The following PIGG variants were observed in gnomAD, a reference collection of about 807,000 sequenced individuals.
PIGG encodes the protein phosphatidylinositol glycan anchor biosynthesis class G (EMM blood group).
PIGG carries 70 observed loss-of-function variants against 83.2 expected under a neutral mutation model. That is an observed-to-expected ratio of 0.84 (90% CI 0.69 to 1.03). The LOEUF (loss-of-function observed/expected upper bound fraction) is 1.03, where lower values mean the gene tolerates loss of function less well. PIGG is among the 50% of genes least tolerant of loss of function. PIGG has a pLI of 0.00. For synonymous variants in PIGG, 532 were observed against 519.5 expected, an observed-to-expected ratio of 1.02 and a Z score of -0.33; for missense variants, 1,257 against 1,233.6, an observed-to-expected ratio of 1.02 and a Z score of -0.28.
chr4:533,920 T>C lies in PIGG; in HGVS notation c.2674T>C (p.Tyr892His). 6.2e-7 allele frequency: 1 copy of C among 1,614,186 alleles called. No individual in the cohort carries two copies. The highest frequency in any genetic ancestry group is 8.5e-7 in the Non-Finnish European group (1 of 1,180,020). Residue 892 changes from tyrosine to histidine, a missense_variant, in exon 12 of 13, where the codon TAC (tyrosine) becomes CAC (histidine). Physicochemically the swap from Tyr to His is moderately conservative, Grantham distance 83 (BLOSUM62 2). Transcript: ENST00000453061. ...PAVLLTAFGT[Y>H]AGPVLWASHL... is the part of the protein sequence containing the mutation. ...CGTGCTCCTGACAGCGTTTGGGACG[T>C]ACGCAGGGCCTGTGCTGTGGGCCAG...
Position 530,585 on chromosome 4 carries a change from T to G in PIGG, c.2411T>G (p.Leu804Arg). ...GAGATATATAGTGGATTAGTTCTTCTGGCAGCCTTGCTCTTTAGACCACAT... is the reference window on the plus strand; with the variant it reads ...GAGATATATAGTGGATTAGTTCTTCGGGCAGCCTTGCTCTTTAGACCACAT... ...LWEIYSGLVL[L>R]AALLFRPHNL... Residue 804 changes from leucine (L) to arginine (R), a missense_variant, in exon 11 of 13, where the codon CTG becomes CGG. Leu to Arg is a moderately radical substitution (Grantham distance 102). Coordinates refer to ENST00000453061, the MANE Select transcript of PIGG (RefSeq NM_001127178.3). 4 of 1,614,050 alleles carry G rather than the reference T, an allele frequency of 2.5e-6. No homozygotes were observed. The highest frequency in any genetic ancestry group is 3.4e-6 in the Non-Finnish European group (4 of 1,179,890).
At chr4:525,435 G>A (rs1023681660) in intron 9 of PIGG, 1 of 825,352 alleles carries the variant, frequency 1.2e-6, no homozygotes, top group African/African-American at 1.8e-5. Flanking sequence ...TCACTGCAGA[G>A]AACTCCTGTA....
In PIGG at chr4:516,116, A is replaced by G. The variant is rs746477290; in HGVS notation, c.1045A>G (p.Arg349Gly). The change falls in exon 6 of 13, where the codon AGA (arginine) becomes GGA (glycine). Residue 349 changes from arginine to glycine, a missense_variant. Physicochemically the swap from Arg to Gly is moderately radical, Grantham distance 125. Transcript: ENST00000453061. ...AGGAAGACCAATGAGAGAGCAGTTG[A>G]GATTTTTACATTTGAATACAGTGCA... Reference protein sequence around the residue: ...VEGRPMREQLRFLHLNTVQLS... With the variant: ...VEGRPMREQLGFLHLNTVQLS... 1.2e-6 allele frequency: 2 copies of G among 1,614,062 alleles called. No individual in the cohort carries two copies. The highest frequency in any genetic ancestry group is 2.2e-5 in the East Asian group (1 of 44,880).
chr4:525,279 A>G (rs1727263443), intron 9 of PIGG: 19 of 985,300 alleles, frequency 1.9e-5, no homozygotes, highest in Non-Finnish European at 2.3e-5. Context: ...CGAAATAAGT[A>G]GAAGAAACCA....
In PIGG at chr4:499,409, G is replaced by C; in HGVS notation, c.74G>C (p.Arg25Pro). The C allele has an allele frequency of 1.2e-6, 2 of 1,609,116 alleles. No homozygotes were observed. The highest frequency in any genetic ancestry group is 1.7e-6 in the Non-Finnish European group (2 of 1,179,828). ...GTGCTAGGGATCGCGGTCTTCCTTC[G>C]GGGATTCTTCCCGGCTCCCGTTCGT... ...IEVLGIAVFLRGFFPAPVRSS... is the reference protein window; with the variant it reads ...IEVLGIAVFLPGFFPAPVRSS... The change falls in exon 1 of 13, where the codon CGG becomes CCG. Residue 25 changes from arginine (R) to proline (P), a missense_variant. Arg to Pro is a moderately radical substitution (Grantham distance 103, BLOSUM62 -2). Transcript: ENST00000453061.
intron 5 of PIGG, among the ~76,000 whole-genome samples, chr4:511,945 GAA>G (rs1451199832): frequency 6.6e-6 from 1 of 152,168 alleles, no homozygotes; most frequent in Non-Finnish European, 1.5e-5. Flanking sequence ...GGTTTCTGAT[GAA>G]AAGTCAATTC....
intron 5 of PIGG, among the ~76,000 whole-genome samples, chr4:509,835 C>T (rs988810991): frequency 2.6e-5 from 4 of 152,204 alleles, no homozygotes; most frequent in East Asian, 1.9e-4. Context: ...GGCCCCACAC[C>T]GGTCAGATTG....
At chr4:522,131 G>A (rs777131561) in intron 8 of PIGG, 190 bp downstream of exon 8, 6 of 652,960 alleles carry the variant, frequency 9.2e-6, no homozygotes, top group Non-Finnish European at 1.4e-5. Context: ...TGGGTGTCCC[G>A]ACACAGGTGT....
rs1459250449 is a variant in PIGG, at chr4:515,979, T to C, written c.908T>C (p.Ile303Thr). ...AATGTTTTCTTTCTTCTAGGTGATA[T>C]CCGACATCCAAAGCACGTCCAACAG... ...SSAFERKPGD[I>T]RHPKHVQQTD... is the part of the protein sequence containing the mutation. The change falls in exon 6 of 13, where the codon ATC becomes ACC. Residue 303 changes from isoleucine (I) to threonine (T), a missense_variant. Physicochemically the swap from Ile to Thr is moderately conservative, Grantham distance 89 (BLOSUM62 -1). Coordinates refer to ENST00000453061, the MANE Select transcript of PIGG (RefSeq NM_001127178.3). This position sits in a 1 kb window ranked among gnomAD's most constrained non-coding sequence, Gnocchi z 4.2. 14 of 1,613,284 alleles carry C rather than the reference T, an allele frequency of 8.7e-6. No individual in the cohort carries two copies. Among genetic ancestry groups the C allele is most frequent in the Non-Finnish European group, 1.2e-5 (14 of 1,179,278 alleles).
chr4:518,370 G>T (rs1204338402), intron 6 of PIGG, among the ~76,000 whole-genome samples: 1 of 151,998 alleles, frequency 6.6e-6, no homozygotes, highest in Non-Finnish European at 1.5e-5. Flanking sequence ...GAGGCGGGGG[G>T]ATCACAAGGT....
chr4:504,924 G>C (rs1461600592), intron 2 of PIGG, among the ~76,000 whole-genome samples: 1 of 152,092 alleles, frequency 6.6e-6, no homozygotes, highest in Non-Finnish European at 1.5e-5. Flanking sequence ...GGCCTCCCTG[G>C]CCCCCAGTTC....
intron 6 of PIGG, among the ~76,000 whole-genome samples, chr4:518,980 A>G (rs1477798371): frequency 1.3e-5 from 2 of 152,074 alleles, no homozygotes; most frequent in African/African-American, 4.8e-5. Flanking sequence ...ACTTTTGCAC[A>G]TGCTGTTCCC....
chr4:514,805 C>G (rs780076365), intron 5 of PIGG, among the ~76,000 whole-genome samples: 1 of 152,134 alleles, frequency 6.6e-6, no homozygotes, highest in East Asian at 1.9e-4. Flanking sequence ...GGCTTTATCC[C>G]GCAATAGACA....
At position 539,324 on chromosome 4, in the gene PIGG, T is replaced by C; in HGVS notation, c.2907T>C (p.Cys969=). The C allele has an allele frequency of 6.2e-7, 1 of 1,613,770 alleles. No individual in the cohort carries two copies. The highest frequency in any genetic ancestry group is 1.1e-5 in the South Asian group (1 of 91,032). The part of the protein sequence containing the change: ...GMHLLITAAV[C]VFFTAMDQTR... ...ACCTGCTCATTACAGCTGCTGTCTG[T>C]GTATTCTTCACGGCAATGGATCAAA... The change falls in exon 13 of 13, where the codon TGT becomes TGC. Residue 969 remains cysteine (C), a synonymous_variant. Transcript: ENST00000453061.
chr4:534,600 C>T (rs2109038790), intron 12 of PIGG, among the ~76,000 whole-genome samples: 1 of 152,380 alleles, frequency 6.6e-6, no homozygotes, highest in East Asian at 1.9e-4. Flanking sequence ...CTGCGTCTGG[C>T]CTGCCCTCCA....
intron 8 of PIGG, chr4:522,557 A>G (rs567945681): frequency 1.2e-3 from 206 of 170,066 alleles, no homozygotes; most frequent in African/African-American, 4.6e-3. Flanking sequence ...CCCAGGATCA[A>G]GGGACCCACT....
At chr4:525,219 G>A in intron 9 of PIGG, 4 of 985,388 alleles carry the variant, frequency 4.1e-6, no homozygotes, top group Non-Finnish European at 4.8e-6. Context: ...CCTTTCATTG[G>A]CGACTGGAAA....
At chr4:530,774 A>C in intron 11 of PIGG, 29 bp downstream of exon 11, 1 of 1,380,602 alleles carries the variant, frequency 7.2e-7, no homozygotes, top group South Asian at 1.3e-5. Context: ...CATGGGTAGT[A>C]GACTTCATGT....
Position 527,042 on chromosome 4 carries a change from T to G in PIGG, c.2073T>G (p.Ser691=). 2 of 1,614,224 alleles carry G rather than the reference T, an allele frequency of 1.2e-6. No individual in the cohort carries two copies. The highest frequency in any genetic ancestry group is 1.7e-6 in the Non-Finnish European group (2 of 1,180,026). The change falls in exon 10 of 13, where the codon TCT becomes TCG. Residue 691 remains serine, a synonymous_variant. Coordinates refer to ENST00000453061, the MANE Select transcript of PIGG (RefSeq NM_001127178.3). ...GGCATTTTCCATCTCATTTCAGCTC[T>G]GACCACAAAGCCGAGCTCTCTGTCC... ...RPDLGHWLTS[S]DHKAELSVLA...
Sources: gnomAD v4.1 joint callset for allele counts (sites outside exome capture counted in the v4.1 genomes callset) on GRCh38, gnomAD v4.1.1 for gene constraint, Gnocchi (gnomAD v3.1) non-coding constraint, MANE v1.5 for transcripts, NCBI Gene and HGNC (gene_info 2026-07-23, HGNC 2026-07-21) for gene names.